Variants in HIF1AN observed in about 807,000 individuals in gnomAD.
The protein encoded by HIF1AN is hypoxia inducible factor 1 subunit alpha inhibitor.
Under a neutral mutation model 47.7 loss-of-function variants are expected in HIF1AN, and 21 were observed. The ratio of observed to expected loss-of-function variants is 0.44; its 90% confidence interval spans 0.31 to 0.63. The LOEUF (loss-of-function observed/expected upper bound fraction) is 0.63. Ranked by LOEUF, HIF1AN falls within the 30% of genes least tolerant of loss-of-function variation. The pLI is 0.07. For missense variants in HIF1AN, 320 were observed against 432.7 expected, an observed-to-expected ratio of 0.74 and a Z score of 2.31; for synonymous variants, 152 against 155.9, an observed-to-expected ratio of 0.98 and a Z score of 0.18.
chr10:100,536,978 G>A (rs1192523851), intron 2 of HIF1AN, among the ~76,000 whole-genome samples: 2 of 152,202 alleles, frequency 1.3e-5, no homozygotes, highest in Non-Finnish European at 2.9e-5. Context: ...AATGGAAGGA[G>A]TAATATCGTC....
chr10:100,536,375 T>C (rs780174798), intron 1 of HIF1AN, 36 bp from the exon 2 acceptor site: 18 of 1,607,422 alleles, frequency 1.1e-5, no homozygotes, highest in Non-Finnish European at 1.5e-5. Flanking sequence ...TTGGCATTAC[T>C]TCATTTGGTG....
chr10:100,546,202 T>C (rs922274730), intron 5 of HIF1AN, among the ~76,000 whole-genome samples, 153 bp downstream of exon 5: 2 of 152,154 alleles, frequency 1.3e-5, no homozygotes, highest in South Asian at 4.1e-4. Context: ...ACTGAACCTG[T>C]GGGGGATAGT....
intron 2 of HIF1AN, among the ~76,000 whole-genome samples, chr10:100,536,986 G>A (rs145232420): frequency 1.8e-3 from 275 of 152,270 alleles, no homozygotes; most frequent in Middle Eastern, 3.4e-3. Context: ...GAGTAATATC[G>A]TCTGTGTGAA....
intron 2 of HIF1AN, among the ~76,000 whole-genome samples, 153 bp from the exon 3 acceptor site, chr10:100,540,481 T>C (rs1843015115): frequency 6.6e-6 from 1 of 152,206 alleles, no homozygotes. Flanking sequence ...TTCAGTTGTA[T>C]GAGAATCCAT....
intron 2 of HIF1AN, among the ~76,000 whole-genome samples, chr10:100,540,103 G>A (rs1300398737): frequency 4.0e-5 from 6 of 151,858 alleles, no homozygotes; most frequent in African/African-American, 1.5e-4. Flanking sequence ...CTGCCTCCCA[G>A]GTTCAAGTGA....
At chr10:100,540,275 TG>T (rs1374712683) in intron 2 of HIF1AN, among the ~76,000 whole-genome samples, 3 of 150,064 alleles carry the variant, frequency 2.0e-5, no homozygotes, top group African/African-American at 7.6e-5. Flanking sequence ...AGAAAAAGTT[TG>T]GGGGCCAGAT....
At chr10:100,536,752 T>C in intron 2 of HIF1AN, 91 bp downstream of exon 2, 1 of 1,423,926 alleles carries the variant, frequency 7.0e-7, no homozygotes, top group South Asian at 1.3e-5. Flanking sequence ...ATTGGGTCAA[T>C]TAGAGATTGG....
In HIF1AN at chr10:100,545,078, A is replaced by G; in HGVS notation, c.705A>G (p.Pro235=). 1.2e-6 allele frequency: 2 copies of G among 1,614,110 alleles called. No individual in the cohort carries two copies. The highest frequency in any genetic ancestry group is 1.7e-6 in the Non-Finnish European group (2 of 1,179,984). ...ECLYPYPVHH[P]CDRQSQVDFD... ...TCTACCCATACCCTGTTCATCACCC[A>G]TGTGACAGACAGAGCCAGGTGAGCT... Residue 235 remains proline (P), a synonymous_variant, in exon 4 of 8, where the codon CCA becomes CCG. Transcript: ENST00000299163.
rs1028881358 is a variant in HIF1AN at position 100,536,315 on chromosome 10, T to C, written c.178-96T>C. 3.6e-5 allele frequency: 52 copies of C among 1,455,304 alleles called. No individual in the cohort carries two copies. The African/African-American group carries it at 4.5e-4, about 13-fold the overall frequency. The allele number at this position is 1,455,304 out of a possible 1,614,324, so 90.1% of individuals were successfully genotyped here. On this transcript the variant is annotated intron_variant, in intron 1 of 7. Coordinates refer to ENST00000299163, the MANE Select transcript of HIF1AN (RefSeq NM_017902.3). ...TCGTGCTGATTAACAGGAGAAATTA[T>C]TCTGAAGTTGAGAAGTAGTTGGGAT...
intron 3 of HIF1AN, among the ~76,000 whole-genome samples, chr10:100,541,464 A>G (rs1843027166): frequency 6.6e-6 from 1 of 152,164 alleles, no homozygotes; most frequent in Admixed American, 6.6e-5. Context: ...TGAAGATTAA[A>G]TGAAATAATG....
chr10:100,546,440 G>GCCCC, intron 5 of HIF1AN, 78 bp from the exon 6 acceptor site: 1 of 750,772 alleles, frequency 1.3e-6, no homozygotes, highest in Non-Finnish European at 2.2e-6. Flanking sequence ...GCCCAACCCT[G>GCCCC]CCACCCCCCC....
At chr10:100,543,334 C>G (rs141496255) in intron 3 of HIF1AN, among the ~76,000 whole-genome samples, 2 of 152,112 alleles carry the variant, frequency 1.3e-5, no homozygotes, top group African/African-American at 4.8e-5. Flanking sequence ...GGACTACAGG[C>G]GTAAGCCACC....
In HIF1AN at chr10:100,559,741, A is replaced by G. The variant is rs983538812; in HGVS notation, c.*11604A>G. On this transcript the variant is annotated 3_prime_UTR_variant, in exon 8 of 8. Coordinates refer to ENST00000299163, the MANE Select transcript of HIF1AN (RefSeq NM_017902.3). ...TTGAATATATTTTTTAACCAAAGTA[A>G]TTTATGAATATAAATTGTTTCTATA... The G allele has an allele frequency of 1.5e-4, 23 of 152,302 alleles. No individual in the cohort carries two copies. The highest frequency in any genetic ancestry group is 6.8e-3 in the Middle Eastern group (2 of 294). 9.4% of individuals were successfully genotyped at this position (152,302 alleles called of 1,614,324 possible). A position where few individuals can be genotyped will look rare whatever the true frequency, so the allele number is the denominator to read the frequency against.
chr10:100,546,448 C>T (rs1843094486), intron 5 of HIF1AN, 70 bp from the exon 6 acceptor site: 2 of 869,898 alleles, frequency 2.3e-6, no homozygotes, highest in African/African-American at 1.7e-5. Flanking sequence ...CTGCCACCCC[C>T]CCGCACTTCG....
rs555948399 is a variant in HIF1AN, at chr10:100,556,503, A to G, written c.*8366A>G. The G allele has an allele frequency of 1.3e-5, 2 of 152,408 alleles. No individual in the cohort carries two copies. Among genetic ancestry groups the G allele is most frequent in the East Asian group, 3.9e-4 (2 of 5,176 alleles). 9.4% of individuals were successfully genotyped at this position (152,408 alleles called of 1,614,324 possible). A position where few individuals can be genotyped will look rare whatever the true frequency, so the allele number is the denominator to read the frequency against. ...GTCATGCTAGTAAGAGTCAGAGGTT[A>G]CTGATGGGTAGAGATTGTCAGAGTC... On this transcript the variant is annotated 3_prime_UTR_variant, in exon 8 of 8. Coordinates refer to ENST00000299163, the MANE Select transcript of HIF1AN (RefSeq NM_017902.3).
rs1843243732 is a variant in HIF1AN at position 100,559,926 on chromosome 10, T to G, written c.*11789T>G. 2 of 152,254 alleles carry G rather than the reference T, an allele frequency of 1.3e-5. No homozygotes were observed. Among genetic ancestry groups the G allele is most frequent in the East Asian group, 3.8e-4 (2 of 5,198 alleles). 9.4% of individuals were successfully genotyped at this position (152,254 alleles called of 1,614,324 possible). A position where few individuals can be genotyped will look rare whatever the true frequency, so the allele number is the denominator to read the frequency against. On this transcript the variant is annotated 3_prime_UTR_variant, in exon 8 of 8. Coordinates refer to ENST00000299163, the MANE Select transcript of HIF1AN (RefSeq NM_017902.3). The stretch of plus-strand genomic sequence containing the variant: ...GTCCAGTCGGCCACAGACATGGTTT[T>G]GTTTGGCCAATACAAGTTTTTGAAA...
intron 6 of HIF1AN, 98 bp downstream of exon 6, chr10:100,546,679 C>T (rs1351232160): frequency 4.5e-6 from 4 of 886,322 alleles, no homozygotes; most frequent in Non-Finnish European, 7.4e-6. Flanking sequence ...TTGACTATCC[C>T]TGGAAGTGAT....
At position 100,557,148 on chromosome 10, in the gene HIF1AN, C is replaced by T. The variant is rs2133738132; in HGVS notation, c.*9011C>T. On this transcript the variant is annotated 3_prime_UTR_variant, in exon 8 of 8. Transcript: ENST00000299163. ...AACAGAGACCTTGGTTCTGGGTTGC[C>T]ATCTGATTCCCAGAAGAGTAAAGGA... 1 of 152,388 alleles carries T rather than the reference C, an allele frequency of 6.6e-6. No homozygotes were observed. The highest frequency in any genetic ancestry group is 2.1e-4 in the South Asian group (1 of 4,820). 9.4% of individuals were successfully genotyped at this position (152,388 alleles called of 1,614,324 possible). A position where few individuals can be genotyped will look rare whatever the true frequency, so the allele number is the denominator to read the frequency against.
In HIF1AN at chr10:100,550,776, C is replaced by T. The variant is rs190319604; in HGVS notation, c.*2639C>T. On this transcript the variant is annotated 3_prime_UTR_variant, in exon 8 of 8. Coordinates refer to ENST00000299163, the MANE Select transcript of HIF1AN (RefSeq NM_017902.3). ...CTTGAATAGGACCCATAACTCCTCC[C>T]GGCATGCTTTTGCATCTATAGAACT... 6.6e-6 allele frequency: 1 copy of T among 152,306 alleles called. No homozygotes were observed. The highest frequency in any genetic ancestry group is 1.9e-4 in the East Asian group (1 of 5,186). The allele number at this position is 152,306 out of a possible 1,614,324, so 9.4% of individuals were successfully genotyped here.
Sources: gnomAD v4.1 joint callset for allele counts (sites outside exome capture counted in the v4.1 genomes callset) on GRCh38, gnomAD v4.1.1 for gene constraint, MANE v1.5 for transcripts, NCBI Gene and HGNC (gene_info 2026-07-23, HGNC 2026-07-21) for gene names.